Variants in SRP68 observed in about 807,000 individuals in gnomAD.
SRP68 encodes signal recognition particle subunit SRP68.
A neutral mutation model predicts 82.2 loss-of-function variants in SRP68; 15 were observed. The observed-to-expected ratio is 0.18, with a 90% confidence interval of 0.12 to 0.28. The LOEUF (loss-of-function observed/expected upper bound fraction) is 0.28. Among genes scored for constraint, SRP68 ranks in the 10% least tolerant of loss-of-function variants. The pLI, the probability that SRP68 is intolerant of heterozygous loss-of-function variation, is 1.00. For missense variants in SRP68, 595 were observed against 780.5 expected (o/e 0.76, Z 2.83); for synonymous variants, 261 against 292.6 (o/e 0.89, Z 1.10).
chr17:76,050,292 T>G (rs1239675504), intron 9 of SRP68, 136 bp downstream of exon 9: 1 of 617,780 alleles, frequency 1.6e-6, no homozygotes, highest in Non-Finnish European at 2.9e-6. Context: ...CCTTACGACC[T>G]CACCTCAAAA....
At chr17:76,064,523 A>C (rs192734193) in intron 3 of SRP68, among the ~76,000 whole-genome samples, 1 of 152,140 alleles carries the variant, frequency 6.6e-6, no homozygotes, top group Non-Finnish European at 1.5e-5. Flanking sequence ...CCTTCATCTC[A>C]ATCCAGTTAG....
chr17:76,040,903 C>T lies in SRP68; in HGVS notation c.1600G>A (p.Asp534Asn). ...KCSLQAAAIL[D>N]ANDAHQTETS... ...TACAAAGGCCAGGCAGGGGGCTCAC[C>T]AAGGATGGCTGCGGCCTGCAGGGAG... The change falls in exon 14 of 16, where the codon GAT becomes AAT. Residue 534 changes from aspartate (D) to asparagine (N), a missense_variant and splice_region_variant. Asp to Asn is a conservative substitution (Grantham distance 23). Around this residue, in one of 2 missense-constraint regions of SRP68, gnomAD observed 495 missense variants for 688.6 expected, o/e 0.72. Coordinates refer to ENST00000307877, the MANE Select transcript of SRP68 (RefSeq NM_014230.4). The T allele has an allele frequency of 6.2e-7, 1 of 1,613,822 alleles. No individual in the cohort carries two copies. Among genetic ancestry groups the T allele is most frequent in the Non-Finnish European group, 8.5e-7 (1 of 1,179,892 alleles).
At chr17:76,069,366 TGACA>T (rs1414465972) in intron 2 of SRP68, among the ~76,000 whole-genome samples, 2 of 143,414 alleles carry the variant, frequency 1.4e-5, no homozygotes, top group African/African-American at 2.6e-5. Flanking sequence ...CCAGACTGGG[TGACA>T]GACAAAGACT....
intron 4 of SRP68, among the ~76,000 whole-genome samples, chr17:76,063,375 T>C (rs1207209670): frequency 6.6e-6 from 1 of 152,178 alleles, no homozygotes; most frequent in African/African-American, 2.4e-5. Flanking sequence ...TATCAAAACA[T>C]GACCTTTCTT....
At chr17:76,062,657 TTATATAATATACATTATATAA>T (rs2066768638) in intron 4 of SRP68, among the ~76,000 whole-genome samples, 5 of 26,384 alleles carry the variant, frequency 1.9e-4, no homozygotes, top group South Asian at 1.2e-3. Context: ...ACATTATATA[TTATATAATATACATTATATAA>T]TATATAATAT....
intron 6 of SRP68, 21 bp from the exon 7 acceptor site, chr17:76,060,411 AATCTTCAAGGGTCTG>A: frequency 6.3e-7 from 1 of 1,588,862 alleles, no homozygotes; most frequent in Non-Finnish European, 8.6e-7. Flanking sequence ...AAGACAGGAA[AATCTTCAAGGGTCTG>A]GTCTGTTTTC....
chr17:76,052,631 C>CGG (rs1474964720), intron 8 of SRP68, among the ~76,000 whole-genome samples: 10 of 151,562 alleles, frequency 6.6e-5, no homozygotes, highest in African/African-American at 2.4e-4. Flanking sequence ...GATGAAACCC[C>CGG]GTCTCTACTA....
At chr17:76,060,160 T>A (rs1182923934) in intron 7 of SRP68, 148 bp downstream of exon 7, 3 of 394,300 alleles carry the variant, frequency 7.6e-6, no homozygotes, top group Non-Finnish European at 1.3e-5. Flanking sequence ...AGAAAAAGTT[T>A]TTTGTTCAAA....
intron 15 of SRP68, 48 bp from the exon 16 acceptor site, chr17:76,039,981 C>G (rs2066577088): frequency 6.3e-7 from 1 of 1,576,110 alleles, no homozygotes; most frequent in Admixed American, 1.8e-5. Context: ...CACAGAACAC[C>G]CTTGGTGAAC....
rs564178751 is a variant in SRP68 at position 76,052,223 on chromosome 17, G to A, written c.979-1697C>T. On this transcript the variant is annotated intron_variant, in intron 8 of 15. Coordinates refer to ENST00000307877, the MANE Select transcript of SRP68 (RefSeq NM_014230.4). Reference sequence around the variant, plus strand: ...AAATTTCAATAACCACATGTGTTGAGCGGCTACTGCACTGGACAGTGCAGC... The same window carrying A: ...AAATTTCAATAACCACATGTGTTGAACGGCTACTGCACTGGACAGTGCAGC... Among the ~76,000 whole-genome samples the A allele has an allele frequency of 5.9e-4, 90 of 152,278 alleles. 1 individual carries two copies. In the South Asian group the frequency reaches 0.018, roughly 30 times the overall value.
At chr17:76,060,125 C>CAAAAAAAAA (rs1168111688) in intron 7 of SRP68, among the ~76,000 whole-genome samples, 183 bp downstream of exon 7, 69 of 28,732 alleles carry the variant, frequency 2.4e-3, no homozygotes, top group East Asian at 4.5e-3. Flanking sequence ...GACTCCATCT[C>CAAAAAAAAA]AAAAAAAAAA....
rs979792228 is a variant in SRP68 at position 76,072,234 on chromosome 17, G to A, written c.184+74C>T. 1.9e-6 allele frequency: 3 copies of A among 1,596,356 alleles called. No homozygotes were observed. The highest frequency in any genetic ancestry group is 2.2e-5 in the South Asian group (2 of 89,032). On this transcript the variant is annotated intron_variant, in intron 1 of 15. Transcript: ENST00000307877. This position sits in a 1 kb window ranked among gnomAD's most constrained non-coding sequence, Gnocchi z 4.5. ...CTCCTGCCAGGACTTGTCGGGACCC[G>A]CCGCCTCTCCCGCCCCCAGCCCTCC...
rs776903427 is a variant in SRP68, at chr17:76,040,415, T to C, written c.1656+4A>G. ...ATTCCTCAAAAACCATGGCCCAGAC[T>C]TACCTTATTGTCCTTGACTTGGGAG... On this transcript the variant is annotated splice_donor_region_variant and intron_variant, in intron 15 of 15. Transcript: ENST00000307877. The C allele has an allele frequency of 2.6e-5, 42 of 1,613,776 alleles. No homozygotes were observed. The South Asian group carries it at 4.6e-4, about 18-fold the overall frequency.
rs140473779 is a variant in SRP68 at position 76,064,582 on chromosome 17, T to A, written c.366-411A>T. Among the ~76,000 whole-genome samples, 341 of 152,232 alleles carry A rather than the reference T, an allele frequency of 2.2e-3. 2 individuals are homozygous for A. Among genetic ancestry groups the A allele is most frequent in the Non-Finnish European group, 3.8e-3 (258 of 68,010 alleles). On this transcript the variant is annotated intron_variant, in intron 3 of 15. Transcript: ENST00000307877. ...TTGCCTAGGTGCGGTGGTTCACACC[T>A]ATAATCCCAGCACTTTGGGAGGCTG...
At chr17:76,054,120 A>G (rs1035031915) in intron 8 of SRP68, among the ~76,000 whole-genome samples, 14 of 152,264 alleles carry the variant, frequency 9.2e-5, no homozygotes, top group East Asian at 1.9e-4. Flanking sequence ...AGCTTTTACA[A>G]AACTTGAAAC....
chr17:76,055,735 CAG>C (rs753240137), intron 8 of SRP68, among the ~76,000 whole-genome samples: 33 of 143,342 alleles, frequency 2.3e-4, no homozygotes, highest in African/African-American at 4.2e-4. Flanking sequence ...GCCTGGGTGA[CAG>C]AGAGAGACTC....
chr17:76,062,662 TAATATAC>T lies in SRP68; in HGVS notation c.562-1095_562-1089del, dbSNP rs1229428207. Among the ~76,000 whole-genome samples, 30 of 39,224 alleles carry T rather than the reference TAATATAC, an allele frequency of 7.6e-4. 6 individuals are homozygous for T. Among genetic ancestry groups the T allele is most frequent in the African/African-American group, 7.5e-3 (18 of 2,402 alleles). 25.7% of individuals were successfully genotyped at this position (39,224 alleles called of 152,430 possible). ...TATATAATATACATTATATATTATA[TAATATAC>T]ATTATATAATATATAATATACATTA... On this transcript the variant is annotated intron_variant, in intron 4 of 15. Transcript: ENST00000307877.
rs2066743487 is a variant in SRP68, at chr17:76,060,294, A to T, written c.837+14T>A. 6.3e-7 allele frequency: 1 copy of T among 1,593,858 alleles called. No individual in the cohort carries two copies. The highest frequency in any genetic ancestry group is 2.2e-5 in the East Asian group (1 of 44,704). On this transcript the variant is annotated intron_variant, in intron 7 of 15. Coordinates refer to ENST00000307877, the MANE Select transcript of SRP68 (RefSeq NM_014230.4). ...GTCCAAAGACTTTTCACAAAAATGT[A>T]CATACTAGATTACCTCCAATTTTTC...
At chr17:76,040,369 T>C (rs188938871) in intron 15 of SRP68, 50 bp downstream of exon 15, 24 of 1,557,314 alleles carry the variant, frequency 1.5e-5, no homozygotes, top group Non-Finnish European at 1.9e-5. Flanking sequence ...CATTCCTAGT[T>C]TGTTACTAAT....
Sources: allele counts gnomAD v4.1 joint callset (sites outside exome capture counted in the v4.1 genomes callset), GRCh38; gene constraint gnomAD v4.1.1; regional missense constraint gnomAD v4.1.1; non-coding constraint Gnocchi (gnomAD v3.1); transcripts MANE v1.5; gene names NCBI Gene and HGNC (gene_info 2026-07-23, HGNC 2026-07-21).